Variants in MARS1 observed in about 807,000 individuals in gnomAD.
MARS1 encodes methionine--tRNA ligase, cytoplasmic.
Under a neutral mutation model 119.5 loss-of-function variants are expected in MARS1, and 80 were observed. The ratio of observed to expected loss-of-function variants is 0.67; its 90% confidence interval spans 0.56 to 0.81. The LOEUF is 0.81. Ranked by LOEUF, MARS1 falls within the 30% of genes least tolerant of loss-of-function variation. The pLI, the probability that MARS1 is intolerant of heterozygous loss-of-function variation, is 0.00. For synonymous variants in MARS1, 418 were observed against 433.4 expected (o/e 0.96, Z 0.44); for missense variants, 945 against 1,116.5 (o/e 0.85, Z 2.19).
chr12:57,511,442 T>A, intron 11 of MARS1: 1 of 495,422 alleles, frequency 2.0e-6, no homozygotes, highest in South Asian at 2.4e-5. Flanking sequence ...TCTGGCATGG[T>A]GGTGTGCACC....
At position 57,489,507 on chromosome 12, in the gene MARS1, G is replaced by C. The variant is rs1211161056; in HGVS notation, c.363G>C (p.Leu121=). The part of the protein sequence containing the change: ...EDVLGSVRRA[L]THIDHSLSRQ... ...TTCTTGGTTCAGTGCGGAGAGCCCT[G>C]ACTCACATTGACCACAGCTTGAGTC... Residue 121 remains leucine (L), a synonymous_variant, in exon 4 of 21, where the codon CTG becomes CTC. Coordinates refer to ENST00000262027, the MANE Select transcript of MARS1 (RefSeq NM_004990.4). The C allele has an allele frequency of 1.2e-6, 2 of 1,614,066 alleles. No homozygotes were observed. The highest frequency in any genetic ancestry group is 3.3e-5 in the Admixed American group (2 of 59,994).
At chr12:57,515,497 T>C (rs931768263) in intron 18 of MARS1, 161 bp downstream of exon 18, 3 of 669,314 alleles carry the variant, frequency 4.5e-6, no homozygotes, top group East Asian at 2.7e-5. Flanking sequence ...TCCGGAATTA[T>C]CTGTACATCT....
At chr12:57,504,924 G>A (rs1338814239) in intron 11 of MARS1, among the ~76,000 whole-genome samples, 6 of 151,618 alleles carry the variant, frequency 4.0e-5, no homozygotes, top group African/African-American at 1.2e-4. Flanking sequence ...GGCTGGTCTC[G>A]AACTCCTGAC....
intron 10 of MARS1, among the ~76,000 whole-genome samples, chr12:57,501,430 A>G (rs1380711306): frequency 1.3e-5 from 2 of 152,230 alleles, no homozygotes; most frequent in African/African-American, 4.8e-5. Flanking sequence ...CATACCTATA[A>G]TCCCAGCACT....
intron 18 of MARS1, 96 bp from the exon 19 acceptor site, chr12:57,515,824 A>C: frequency 1.1e-6 from 1 of 898,488 alleles, no homozygotes. Context: ...TTCTTTCTAA[A>C]ACACATCAGA....
intron 9 of MARS1, among the ~76,000 whole-genome samples, chr12:57,499,686 G>C (rs1260367564): frequency 6.6e-6 from 1 of 151,838 alleles, no homozygotes; most frequent in Non-Finnish European, 1.5e-5. Context: ...GGATCACGAG[G>C]TCAGGAGTTC....
At chr12:57,488,925 T>C (rs1875692772) in intron 1 of MARS1, 94 bp from the exon 2 acceptor site, 3 of 1,021,922 alleles carry the variant, frequency 2.9e-6, no homozygotes, top group East Asian at 2.4e-5. Context: ...TTTCTTTTTT[T>C]ACTCACTGAA....
chr12:57,488,663 T>TA, intron 1 of MARS1: 1 of 1,549,868 alleles, frequency 6.5e-7, no homozygotes, highest in Non-Finnish European at 8.7e-7. Context: ...GGTTCTCTTG[T>TA]AAGTCTTCTC....
chr12:57,506,190 T>G (rs564926899), intron 11 of MARS1, among the ~76,000 whole-genome samples: 1 of 152,236 alleles, frequency 6.6e-6, no homozygotes, highest in African/African-American at 2.4e-5. Flanking sequence ...CTGGGAAGGT[T>G]TGAGGCTGCA....
intron 11 of MARS1, among the ~76,000 whole-genome samples, chr12:57,507,808 C>T (rs989770048): frequency 7.9e-5 from 12 of 151,152 alleles, no homozygotes; most frequent in African/African-American, 2.7e-4. Context: ...AGGCTGACCC[C>T]CACCTCCCTC....
rs747351446 is a variant in MARS1 at position 57,489,891 on chromosome 12, C to A, written c.415-5C>A. 6.4e-5 allele frequency: 103 copies of A among 1,613,266 alleles called. No individual in the cohort carries two copies. In the African/African-American group the frequency reaches 1.0e-3, roughly 16 times the overall value. Reference sequence around the variant, plus strand: ...GTACATTTTCCTTTTCTATCCCCAACAAAGGAGACAGAATCTCTAGCCGAC... The same window carrying A: ...GTACATTTTCCTTTTCTATCCCCAAAAAAGGAGACAGAATCTCTAGCCGAC... On this transcript the variant is annotated splice_region_variant and splice_polypyrimidine_tract_variant and intron_variant, in intron 4 of 20. Coordinates refer to ENST00000262027, the MANE Select transcript of MARS1 (RefSeq NM_004990.4).
intron 7 of MARS1, among the ~76,000 whole-genome samples, chr12:57,493,734 TA>T (rs1235118515): frequency 4.3e-4 from 3 of 6,992 alleles, no homozygotes; most frequent in African/African-American, 6.8e-4. Flanking sequence ...TTATATTATA[TA>T]ATATATATTA....
chr12:57,495,872 C>T (rs1008535633), intron 7 of MARS1, among the ~76,000 whole-genome samples: 12 of 152,188 alleles, frequency 7.9e-5, no homozygotes, highest in African/African-American at 1.9e-4. Flanking sequence ...TGGCGGCGCG[C>T]GCCTGCAATC....
At chr12:57,496,945 C>T (rs1280520558) in intron 7 of MARS1, among the ~76,000 whole-genome samples, 1 of 152,166 alleles carries the variant, frequency 6.6e-6, no homozygotes, top group Non-Finnish European at 1.5e-5. Context: ...ACACTTTGCA[C>T]CTCTTCATTA....
At chr12:57,502,904 T>C (rs1876997749) in intron 10 of MARS1, among the ~76,000 whole-genome samples, 1 of 151,760 alleles carries the variant, frequency 6.6e-6, no homozygotes. Context: ...CACGTGCCTA[T>C]AATCCCAGCT....
rs187172640 is a variant in MARS1, at chr12:57,490,359, G to A, written c.643G>A (p.Ala215Thr). 7 of 1,612,588 alleles carry A rather than the reference G, an allele frequency of 4.3e-6. No individual in the cohort carries two copies. The highest frequency in any genetic ancestry group is 3.3e-5 in the Admixed American group (2 of 60,016). ...CCAGCCCAGCCCCGCTGAGGGAAGG[G>A]CTGTCACCAATGAGCCTGAGGTTTG... Reference protein sequence around the residue: ...QPQPSPAEGRAVTNEPEEEEL... With the variant: ...QPQPSPAEGRTVTNEPEEEEL... The change falls in exon 6 of 21, where the codon GCT (alanine) becomes ACT (threonine). Residue 215 changes from alanine to threonine, a missense_variant. By Grantham distance (58) the Ala-to-Thr change is moderately conservative. Transcript: ENST00000262027.
intron 15 of MARS1, among the ~76,000 whole-genome samples, chr12:57,513,234 T>G (rs1877610161): frequency 6.6e-6 from 1 of 152,200 alleles, no homozygotes; most frequent in South Asian, 2.1e-4. Flanking sequence ...CTTTGTAGAA[T>G]TGAAGATGTA....
At chr12:57,495,252 G>A (rs1330405755) in intron 7 of MARS1, among the ~76,000 whole-genome samples, 5 of 149,256 alleles carry the variant, frequency 3.3e-5, no homozygotes, top group African/African-American at 9.9e-5. Flanking sequence ...GGCGGCTGGC[G>A]GGGCGGGGGC....
intron 13 of MARS1, 42 bp from the exon 14 acceptor site, chr12:57,512,194 G>C: frequency 6.2e-7 from 1 of 1,600,474 alleles, no homozygotes; most frequent in African/African-American, 1.3e-5. Context: ...TTGGGCCTTT[G>C]AAGGAGGTCT....
Sources: gnomAD v4.1 joint callset for allele counts (sites outside exome capture counted in the v4.1 genomes callset) on GRCh38, gnomAD v4.1.1 for gene constraint, MANE v1.5 for transcripts, NCBI Gene and HGNC (gene_info 2026-07-23, HGNC 2026-07-21) for gene names.